The following SGCZ variants were observed in gnomAD, a reference collection of about 807,000 sequenced individuals.
The protein encoded by SGCZ is zeta-sarcoglycan.
In SGCZ, 40 loss-of-function variants were observed where a neutral mutation model predicts 41.3. That is an observed-to-expected ratio of 0.97 (90% confidence interval 0.75 to 1.26). The LOEUF is 1.26. SGCZ is among the 50% of genes most tolerant of loss of function. The pLI is 0.00. For synonymous variants in SGCZ, 206 were observed against 137.5 expected (o/e 1.50, Z -3.49); for missense variants, 552 against 369.8 (o/e 1.49, Z -4.04).
At position 14,602,273 on chromosome 8, in the gene SGCZ, A is replaced by G. The variant is rs930464832; in HGVS notation, c.40-47347T>C. Among the ~76,000 whole-genome samples, 3 of 152,296 alleles carry G rather than the reference A, an allele frequency of 2.0e-5. No individual in the cohort carries two copies. The East Asian group carries it at 5.8e-4, about 29-fold the overall frequency. ...TCAATTTTAACCAACATTTACCTCAAAACACCGTAGGAATTTGAGTTGTAT... is the reference window on the plus strand; with the variant it reads ...TCAATTTTAACCAACATTTACCTCAGAACACCGTAGGAATTTGAGTTGTAT... On this transcript the variant is annotated intron_variant, in intron 1 of 7. Transcript: ENST00000382080.
intron 1 of SGCZ, among the ~76,000 whole-genome samples, chr8:14,580,200 A>ATTC (rs1428215715): frequency 6.6e-6 from 1 of 152,234 alleles, no homozygotes; most frequent in Non-Finnish European, 1.5e-5. Context: ...AAATGGGTCA[A>ATTC]CAGTAGAACA....
intron 5 of SGCZ, among the ~76,000 whole-genome samples, chr8:14,115,539 T>A (rs1802497042): frequency 6.6e-6 from 1 of 152,064 alleles, no homozygotes; most frequent in African/African-American, 2.4e-5. Context: ...CTAGATAAGC[T>A]TTCAACGTAC....
intron 2 of SGCZ, among the ~76,000 whole-genome samples, chr8:14,411,613 T>C (rs1799362587): frequency 6.6e-6 from 1 of 152,124 alleles, no homozygotes; most frequent in Non-Finnish European, 1.5e-5. Context: ...GTATGAGCCA[T>C]ATTTATTACT....
intron 3 of SGCZ, among the ~76,000 whole-genome samples, chr8:14,271,590 C>T (rs1457009612): frequency 6.6e-6 from 1 of 152,196 alleles, no homozygotes; most frequent in Non-Finnish European, 1.5e-5. Context: ...GTTCCTTTTA[C>T]AAGACAGCTT....
At chr8:14,554,994 T>A (rs916813128) in intron 1 of SGCZ, 68 bp from the exon 2 acceptor site, 3 of 1,393,928 alleles carry the variant, frequency 2.2e-6, no homozygotes, top group African/African-American at 2.9e-5. Flanking sequence ...AATAAACCCA[T>A]GATTTTTTTG....
chr8:14,692,014 G>A (rs1808815648), intron 1 of SGCZ, among the ~76,000 whole-genome samples: 2 of 151,882 alleles, frequency 1.3e-5, no homozygotes, highest in South Asian at 4.2e-4. Context: ...TTGATCAATT[G>A]ATTGAAATAA....
intron 2 of SGCZ, among the ~76,000 whole-genome samples, chr8:14,547,808 G>A (rs960214720): frequency 2.0e-5 from 3 of 152,086 alleles, no homozygotes; most frequent in East Asian, 3.9e-4. Flanking sequence ...TCCAAAGCTC[G>A]GGTCCAAAAC....
At chr8:15,033,720 A>T (rs774649834) in intron 1 of SGCZ, among the ~76,000 whole-genome samples, 3 of 151,912 alleles carry the variant, frequency 2.0e-5, no homozygotes, top group Non-Finnish European at 4.4e-5. Context: ...ACTCCAACTT[A>T]AGGCCAACCC....
intron 2 of SGCZ, among the ~76,000 whole-genome samples, chr8:14,399,426 G>A (rs935317521): frequency 2.6e-5 from 4 of 152,042 alleles, no homozygotes; most frequent in African/African-American, 9.7e-5. Flanking sequence ...ACACTTGACA[G>A]GCTGGACTTC....
At chr8:14,250,878 T>C (rs1435163378) in intron 3 of SGCZ, among the ~76,000 whole-genome samples, 1 of 152,156 alleles carries the variant, frequency 6.6e-6, no homozygotes, top group African/African-American at 2.4e-5. Context: ...TGTTGACTTT[T>C]CTTATAACTC....
At chr8:14,115,194 C>T (rs556785721) in intron 5 of SGCZ, among the ~76,000 whole-genome samples, 1 of 152,034 alleles carries the variant, frequency 6.6e-6, no homozygotes, top group Non-Finnish European at 1.5e-5. Context: ...TTAAATAAAA[C>T]CAGTAAGCAA....
intron 2 of SGCZ, among the ~76,000 whole-genome samples, chr8:14,464,857 T>G (rs1476907534): frequency 2.0e-5 from 3 of 151,482 alleles, no homozygotes; most frequent in Non-Finnish European, 3.0e-5. Context: ...TTGTTCAGAG[T>G]TTTTTAATTT....
At chr8:15,069,110 T>A (rs193179701) in intron 1 of SGCZ, among the ~76,000 whole-genome samples, 3 of 152,364 alleles carry the variant, frequency 2.0e-5, no homozygotes, top group Admixed American at 2.0e-4. Context: ...AATCAAAGTC[T>A]TTATTCTTTT....
Position 14,127,615 on chromosome 8 carries a change from C to T in SGCZ, c.548-19380G>A, listed in dbSNP as rs148679694. ...GGACTACAGGCACCCACTACCACAC[C>T]AGGCTAATTTTTTGTATTTTTTAGT... is the stretch of plus-strand genomic sequence containing the variant. On this transcript the variant is annotated intron_variant, in intron 5 of 7. Coordinates refer to ENST00000382080, the MANE Select transcript of SGCZ (RefSeq NM_139167.4). Among the ~76,000 whole-genome samples, 767 of 152,150 alleles carry T rather than the reference C, an allele frequency of 5.0e-3. 10 individuals carry two copies. The highest frequency in any genetic ancestry group is 0.017 in the African/African-American group (717 of 41,496).
chr8:15,234,393 G>A (rs1188807715), intron 1 of SGCZ, among the ~76,000 whole-genome samples: 1 of 152,082 alleles, frequency 6.6e-6, no homozygotes, highest in African/African-American at 2.4e-5. Flanking sequence ...AAACACCAGG[G>A]CAAAATCCAG....
chr8:14,373,008 C>A (rs1459335717), intron 2 of SGCZ, among the ~76,000 whole-genome samples: 1 of 152,036 alleles, frequency 6.6e-6, no homozygotes, highest in Admixed American at 6.5e-5. Context: ...GCTACTGACC[C>A]AAGTATTGAT....
chr8:14,532,395 C>A (rs1391878256), intron 2 of SGCZ, among the ~76,000 whole-genome samples: 1 of 151,942 alleles, frequency 6.6e-6, no homozygotes, highest in African/African-American at 2.4e-5. Context: ...TTGGAGCCAC[C>A]AATAACAGAA....
At chr8:14,772,317 G>A (rs1585247325) in intron 1 of SGCZ, among the ~76,000 whole-genome samples, 2 of 151,994 alleles carry the variant, frequency 1.3e-5, no homozygotes, top group East Asian at 1.9e-4. Context: ...ATCCTAAGGT[G>A]AAGAGCAACT....
At chr8:14,182,002 T>A (rs189618891) in intron 4 of SGCZ, among the ~76,000 whole-genome samples, 11 of 152,222 alleles carry the variant, frequency 7.2e-5, no homozygotes, top group African/African-American at 2.4e-4. Flanking sequence ...AACCTCAAAT[T>A]GGAGATATGT....
Sources: allele counts gnomAD v4.1 joint callset (sites outside exome capture counted in the v4.1 genomes callset), GRCh38; gene constraint gnomAD v4.1.1; transcripts MANE v1.5; gene names NCBI Gene and HGNC (gene_info 2026-07-23, HGNC 2026-07-21).